NR3C2: variants seen among roughly 807,000 people sequenced by gnomAD.
NR3C2 encodes nuclear receptor subfamily 3 group C member 2, also known as mineralocorticoid receptor.
In NR3C2, 15 loss-of-function variants were observed where a neutral mutation model predicts 86.4. The observed-to-expected ratio is 0.17, with a 90% CI of 0.12 to 0.27. The LOEUF is 0.27. Ranked by LOEUF, NR3C2 falls within the 10% of genes least tolerant of loss-of-function variation. The pLI, the probability that NR3C2 is intolerant of heterozygous loss-of-function variation, is 1.00. For synonymous variants in NR3C2, 458 were observed against 450.5 expected (o/e 1.02, Z -0.21); for missense variants, 960 against 1,195.6 (o/e 0.80, Z 2.91).
chr4:148,145,778 C>T (rs566933824), intron 6 of NR3C2, among the ~76,000 whole-genome samples: 13 of 151,830 alleles, frequency 8.6e-5, no homozygotes, highest in Non-Finnish European at 1.6e-4. Flanking sequence ...AAATAAGGCA[C>T]GGAAGGAAGA....
intron 2 of NR3C2, among the ~76,000 whole-genome samples, chr4:148,397,168 G>A (rs1747901209): frequency 6.6e-6 from 1 of 152,162 alleles, no homozygotes; most frequent in Admixed American, 6.5e-5. Context: ...GCAAAGACCA[G>A]CCCCCACCAT....
rs189887896 is a variant in NR3C2 at position 148,325,165 on chromosome 4, T to C, written c.1758-65048A>G. Among the ~76,000 whole-genome samples the C allele has an allele frequency of 2.6e-4, 39 of 151,974 alleles. 1 individual carries two copies. The East Asian group carries it at 7.0e-3, about 27-fold the overall frequency. ...GAGAGAGAGAGACAGAGTGTGTGTG[T>C]GTGGTGTGGGGAGAGTACAAAAATA... On this transcript the variant is annotated intron_variant, in intron 2 of 8. Transcript: ENST00000358102.
At chr4:148,124,427 G>T (rs908198877) in intron 6 of NR3C2, among the ~76,000 whole-genome samples, 4 of 152,120 alleles carry the variant, frequency 2.6e-5, no homozygotes, top group Non-Finnish European at 4.4e-5. Flanking sequence ...GGCCTTAATT[G>T]TTGCTTTTGG....
intron 4 of NR3C2, among the ~76,000 whole-genome samples, chr4:148,182,238 T>C (rs985311820): frequency 1.3e-5 from 2 of 152,222 alleles, no homozygotes; most frequent in African/African-American, 4.8e-5. Context: ...TTTTAGAAAT[T>C]GCTTCACATT....
At chr4:148,316,675 A>G (rs1743197694) in intron 2 of NR3C2, among the ~76,000 whole-genome samples, 1 of 152,060 alleles carries the variant, frequency 6.6e-6, no homozygotes, top group African/African-American at 2.4e-5. Flanking sequence ...TATAGATCTG[A>G]CTCCAATTTT....
chr4:148,111,747 G>A (rs564407236), intron 8 of NR3C2, among the ~76,000 whole-genome samples: 1 of 152,280 alleles, frequency 6.6e-6, no homozygotes, highest in East Asian at 1.9e-4. Flanking sequence ...ACTACATACT[G>A]CATTGTTGTA....
chr4:148,249,042 A>G (rs947616650), intron 3 of NR3C2, among the ~76,000 whole-genome samples: 1 of 152,160 alleles, frequency 6.6e-6, no homozygotes, highest in African/African-American at 2.4e-5. Context: ...TCTGTATAAC[A>G]CTATATAAAA....
chr4:148,185,479 G>C (rs1210498604), intron 4 of NR3C2, among the ~76,000 whole-genome samples: 1 of 152,218 alleles, frequency 6.6e-6, no homozygotes, highest in Non-Finnish European at 1.5e-5. Flanking sequence ...AAGCAAAGAA[G>C]AATGAAGTCT....
At chr4:148,335,488 C>T (rs917481650) in intron 2 of NR3C2, among the ~76,000 whole-genome samples, 1 of 152,176 alleles carries the variant, frequency 6.6e-6, no homozygotes, top group African/African-American at 2.4e-5. Context: ...AGAAGAACTA[C>T]TGTTCAGTCT....
chr4:148,408,184 G>A (rs1304872582), intron 2 of NR3C2, among the ~76,000 whole-genome samples: 1 of 152,186 alleles, frequency 6.6e-6, no homozygotes, highest in East Asian at 1.9e-4. Flanking sequence ...CTACCTCTAA[G>A]TGAATGTGTT....
intron 2 of NR3C2, among the ~76,000 whole-genome samples, chr4:148,281,075 C>T (rs1741210970): frequency 6.6e-6 from 1 of 152,132 alleles, no homozygotes; most frequent in African/African-American, 2.4e-5. Flanking sequence ...TCTGTCCCTC[C>T]CTTCATCTCC....
At position 148,220,778 on chromosome 4, in the gene NR3C2, A is replaced by G. The variant is rs112165454; in HGVS notation, c.1898-25916T>C. ...GCCACTGCACTCCAGCCTGGGTGAC[A>G]GAGTGAGACCCTATCTCTAAAAAAG... On this transcript the variant is annotated intron_variant, in intron 3 of 8. Coordinates refer to ENST00000358102, the MANE Select transcript of NR3C2 (RefSeq NM_000901.5). Among the ~76,000 whole-genome samples, 1,291 of 152,342 alleles carry G rather than the reference A, an allele frequency of 8.5e-3. 15 individuals are homozygous for G. The highest frequency in any genetic ancestry group is 0.029 in the African/African-American group (1,198 of 41,566).
At chr4:148,301,786 C>G (rs1742349357) in intron 2 of NR3C2, among the ~76,000 whole-genome samples, 2 of 152,100 alleles carry the variant, frequency 1.3e-5, no homozygotes, top group Admixed American at 1.3e-4. Flanking sequence ...TCAAAGTTGT[C>G]TTTCTTAGCT....
At chr4:148,143,361 T>C (rs1453617971) in intron 6 of NR3C2, among the ~76,000 whole-genome samples, 1 of 152,208 alleles carries the variant, frequency 6.6e-6, no homozygotes, top group Non-Finnish European at 1.5e-5. Flanking sequence ...GTATCAGGGA[T>C]GGGATCCAAG....
At chr4:148,277,945 A>C (rs773210073) in intron 2 of NR3C2, among the ~76,000 whole-genome samples, 2 of 152,238 alleles carry the variant, frequency 1.3e-5, no homozygotes, top group African/African-American at 4.8e-5. Flanking sequence ...GAAATGAATT[A>C]TCCTCCAGGG....
At chr4:148,286,336 T>C (rs1741517170) in intron 2 of NR3C2, among the ~76,000 whole-genome samples, 1 of 152,188 alleles carries the variant, frequency 6.6e-6, no homozygotes, top group South Asian at 2.1e-4. Context: ...TGCTTCTGAC[T>C]GTATAGGCTA....
At chr4:148,251,266 C>T (rs1739564359) in intron 3 of NR3C2, among the ~76,000 whole-genome samples, 1 of 152,080 alleles carries the variant, frequency 6.6e-6, no homozygotes, top group African/African-American at 2.4e-5. Context: ...ACACAGTCTC[C>T]ATCTAATAGT....
At chr4:148,257,512 C>T (rs534255213) in intron 3 of NR3C2, among the ~76,000 whole-genome samples, 2 of 152,158 alleles carry the variant, frequency 1.3e-5, no homozygotes, top group Admixed American at 6.5e-5. Context: ...TAACTTTGGC[C>T]TTAGGATTAG....
chr4:148,292,428 C>CA (rs1741839991), intron 2 of NR3C2, among the ~76,000 whole-genome samples: 1 of 151,972 alleles, frequency 6.6e-6, no homozygotes, highest in Admixed American at 6.6e-5. Context: ...TGTAGGATGT[C>CA]ATGTTAATAT....
Sources: gnomAD v4.1 joint callset for allele counts (sites outside exome capture counted in the v4.1 genomes callset) on GRCh38, gnomAD v4.1.1 for gene constraint, MANE v1.5 for transcripts, NCBI Gene and HGNC (gene_info 2026-07-23, HGNC 2026-07-21) for gene names.